Variants in CUX1 observed in about 807,000 individuals in gnomAD.
CUX1 encodes the protein protein CASP.
CUX1 carries 31 observed loss-of-function variants against 158.8 expected under a neutral mutation model. The observed-to-expected ratio is 0.20, with a 90% confidence interval of 0.15 to 0.26. The LOEUF is 0.26. Among genes scored for constraint, CUX1 ranks in the 10% least tolerant of loss-of-function variants. CUX1 has a pLI of 1.00. For synonymous variants in CUX1, 879 were observed against 862.1 expected (o/e 1.02, Z -0.34); for missense variants, 1,589 against 2,014.6 (o/e 0.79, Z 4.04).
chr7:101,920,865 GT>G (rs113648390), intron 2 of CUX1, among the ~76,000 whole-genome samples: 7 of 151,838 alleles, frequency 4.6e-5, no homozygotes, highest in Admixed American at 2.0e-4. Flanking sequence ...CTATATTTTT[GT>G]TTTTTTTGGA....
At chr7:101,959,979 C>T (rs1158232974) in intron 2 of CUX1, 1 of 152,202 alleles carries the variant, frequency 6.6e-6, no homozygotes, top group Non-Finnish European at 1.5e-5. Context: ...TTAATGCCAT[C>T]GAGATGCCTC....
intron 3 of CUX1, among the ~76,000 whole-genome samples, chr7:102,069,781 CTGGGATTTGAATGTGT>C (rs1481987548): frequency 6.6e-6 from 1 of 152,166 alleles, no homozygotes; most frequent in African/African-American, 2.4e-5. Context: ...TTCTTTGCTC[CTGGGATTTGAATGTGT>C]TCGTCCGTTT....
At chr7:102,151,031 T>C (rs1174736980) in intron 8 of CUX1, among the ~76,000 whole-genome samples, 4 of 152,112 alleles carry the variant, frequency 2.6e-5, no homozygotes, top group African/African-American at 9.7e-5. Flanking sequence ...ACTGATGTGG[T>C]TAGTTGAGCC....
At chr7:102,032,916 A>G (rs1415785551) in intron 3 of CUX1, among the ~76,000 whole-genome samples, 1 of 152,112 alleles carries the variant, frequency 6.6e-6, no homozygotes. Flanking sequence ...TCCCTTTAGT[A>G]AAGTAATGCA....
At chr7:101,918,519 C>T (rs908924974) in intron 2 of CUX1, among the ~76,000 whole-genome samples, 7 of 152,344 alleles carry the variant, frequency 4.6e-5, no homozygotes, top group Admixed American at 1.3e-4. Flanking sequence ...GCCCTGACCC[C>T]GCCACTGCCA....
chr7:102,068,538 G>A (rs113824605), intron 3 of CUX1, among the ~76,000 whole-genome samples: 5,402 of 152,146 alleles, frequency 0.036, 316 homozygotes, highest in African/African-American at 0.12. Context: ...CTTGCATTGC[G>A]CTAGGCTGCT....
chr7:102,041,723 C>T (rs1304291157), intron 3 of CUX1, among the ~76,000 whole-genome samples: 2 of 134,378 alleles, frequency 1.5e-5, no homozygotes, highest in African/African-American at 5.9e-5. Flanking sequence ...GGCTGGAGTG[C>T]AGTGGATGAT....
intron 9 of CUX1, among the ~76,000 whole-genome samples, chr7:102,163,484 C>T (rs781996036): frequency 1.3e-5 from 2 of 152,044 alleles, no homozygotes; most frequent in Non-Finnish European, 2.9e-5. Context: ...GGGACCTGGC[C>T]AGGCCTGTGG....
At chr7:102,238,150 C>T (rs1480476778) in intron 22 of CUX1, among the ~76,000 whole-genome samples, 2 of 152,164 alleles carry the variant, frequency 1.3e-5, no homozygotes, top group Non-Finnish European at 2.9e-5. Context: ...ATGTCAGGCC[C>T]TCCACAAGAG....
At chr7:102,095,377 A>G (rs1462252865) in intron 4 of CUX1, among the ~76,000 whole-genome samples, 2 of 152,168 alleles carry the variant, frequency 1.3e-5, no homozygotes, top group Non-Finnish European at 2.9e-5. Context: ...AATAATGAAA[A>G]GCCATGCACC....
intron 2 of CUX1, chr7:101,960,342 T>C (rs1323448405): frequency 6.6e-6 from 1 of 152,148 alleles, no homozygotes; most frequent in Non-Finnish European, 1.5e-5. Context: ...TCAGATAAAA[T>C]TCTCAATGAG....
intron 8 of CUX1, among the ~76,000 whole-genome samples, chr7:102,133,720 C>A (rs1554498048): frequency 6.6e-6 from 1 of 152,068 alleles, no homozygotes; most frequent in East Asian, 1.9e-4. Context: ...CGTGATCCAC[C>A]CGCCTCCGCC....
chr7:101,875,995 T>C (rs1346998246), intron 1 of CUX1, among the ~76,000 whole-genome samples: 1 of 152,152 alleles, frequency 6.6e-6, no homozygotes, highest in East Asian at 1.9e-4. Context: ...ATTCAGATAT[T>C]TTCTCCCTGT....
intron 1 of CUX1, among the ~76,000 whole-genome samples, chr7:101,896,051 G>GTATT (rs556992820): frequency 1.1e-3 from 161 of 151,620 alleles, no homozygotes; most frequent in Non-Finnish European, 1.7e-3. Context: ...TGCACTTGGC[G>GTATT]TATTTATTTA....
intron 1 of CUX1, among the ~76,000 whole-genome samples, chr7:101,902,873 G>A (rs918380493): frequency 6.6e-6 from 1 of 152,056 alleles, no homozygotes; most frequent in African/African-American, 2.4e-5. Context: ...TCAGCCTCCC[G>A]AGTAGCTGGG....
At chr7:102,030,208 C>A (rs557088757) in intron 3 of CUX1, among the ~76,000 whole-genome samples, 70 of 152,246 alleles carry the variant, frequency 4.6e-4, no homozygotes, top group Non-Finnish European at 7.5e-4. Flanking sequence ...GACGGGGTTT[C>A]ATCATACTGG....
At chr7:101,918,656 G>A (rs1804525177) in intron 2 of CUX1, among the ~76,000 whole-genome samples, 1 of 152,262 alleles carries the variant, frequency 6.6e-6, no homozygotes, top group Non-Finnish European at 1.5e-5. Context: ...CCAGCCCTAT[G>A]CACTTTCTCA....
chr7:101,883,179 G>T (rs1373148492), intron 1 of CUX1, among the ~76,000 whole-genome samples: 6 of 152,150 alleles, frequency 3.9e-5, no homozygotes, highest in African/African-American at 1.4e-4. Flanking sequence ...ATATGGAGGG[G>T]TGGCACTCAT....
At chr7:102,156,790 G>A (rs915227981) in intron 8 of CUX1, among the ~76,000 whole-genome samples, 1 of 152,228 alleles carries the variant, frequency 6.6e-6, no homozygotes, top group Non-Finnish European at 1.5e-5. Flanking sequence ...GCCACATCCA[G>A]GACTCTGGCA....
Sources: allele counts gnomAD v4.1 joint callset (sites outside exome capture counted in the v4.1 genomes callset), GRCh38; gene constraint gnomAD v4.1.1; transcripts MANE v1.5; gene names NCBI Gene and HGNC (gene_info 2026-07-23, HGNC 2026-07-21).